The following ELOVL4 variants were observed in gnomAD, a reference collection of about 807,000 sequenced individuals.
The protein encoded by ELOVL4 is very long chain fatty acid elongase 4.
In ELOVL4, 18 loss-of-function variants were observed where a neutral mutation model predicts 42.1. The observed-to-expected ratio is 0.43, with a 90% CI of 0.30 to 0.63. ELOVL4 has a LOEUF of 0.63. ELOVL4 is among the 30% of genes least tolerant of loss of function. ELOVL4 has a pLI of 0.15. For missense variants in ELOVL4, 299 were observed against 376.2 expected (o/e 0.79, Z 1.70); for synonymous variants, 117 against 127.0 (o/e 0.92, Z 0.53).
chr6:79,928,337 A>T (rs1774379317), intron 1 of ELOVL4, among the ~76,000 whole-genome samples: 1 of 152,154 alleles, frequency 6.6e-6, no homozygotes, highest in Non-Finnish European at 1.5e-5. Context: ...ATCTGTGAGG[A>T]GATTTTAATT....
chr6:79,923,671 G>A (rs1774296022), intron 3 of ELOVL4, among the ~76,000 whole-genome samples: 2 of 152,092 alleles, frequency 1.3e-5, no homozygotes, highest in Admixed American at 6.6e-5. Flanking sequence ...CATGGCTGCT[G>A]TCTGCCTTCT....
At chr6:79,942,130 A>G (rs1774657325) in intron 1 of ELOVL4, among the ~76,000 whole-genome samples, 1 of 152,182 alleles carries the variant, frequency 6.6e-6, no homozygotes, top group South Asian at 2.1e-4. Flanking sequence ...GAGAAACATA[A>G]AGGTGGACAT....
At chr6:79,932,930 G>A (rs891245163) in intron 1 of ELOVL4, among the ~76,000 whole-genome samples, 1 of 152,088 alleles carries the variant, frequency 6.6e-6, no homozygotes, top group Non-Finnish European at 1.5e-5. Flanking sequence ...AGCAGACAGG[G>A]AGAAAAGTCT....
At chr6:79,919,894 T>A (rs995429880) in intron 4 of ELOVL4, among the ~76,000 whole-genome samples, 20 of 152,196 alleles carry the variant, frequency 1.3e-4, no homozygotes, top group African/African-American at 4.8e-4. Context: ...TGCCTTTAGA[T>A]GTGCCAATAT....
chr6:79,918,471 C>A (rs1300274047), intron 5 of ELOVL4, among the ~76,000 whole-genome samples: 2 of 152,184 alleles, frequency 1.3e-5, no homozygotes, highest in African/African-American at 4.8e-5. Flanking sequence ...ACTGTGTTAA[C>A]AGCTTTTACA....
At chr6:79,943,477 T>A (rs977276269) in intron 1 of ELOVL4, among the ~76,000 whole-genome samples, 1 of 152,190 alleles carries the variant, frequency 6.6e-6, no homozygotes, top group Admixed American at 6.5e-5. Flanking sequence ...GGAAGTAAAC[T>A]GTGGTGAAAC....
At chr6:79,937,633 A>G (rs1774568295) in intron 1 of ELOVL4, among the ~76,000 whole-genome samples, 1 of 152,164 alleles carries the variant, frequency 6.6e-6, no homozygotes, top group Non-Finnish European at 1.5e-5. Context: ...AGCATCCAAT[A>G]AATGTTCACT....
intron 1 of ELOVL4, among the ~76,000 whole-genome samples, chr6:79,928,378 CCA>C (rs1485986219): frequency 6.6e-6 from 1 of 152,094 alleles, no homozygotes; most frequent in Non-Finnish European, 1.5e-5. Context: ...CTCACCCTTA[CCA>C]CACACAGAAT....
At chr6:79,930,364 A>C (rs1774422968) in intron 1 of ELOVL4, among the ~76,000 whole-genome samples, 1 of 152,200 alleles carries the variant, frequency 6.6e-6, no homozygotes, top group South Asian at 2.1e-4. Context: ...TCCCAGGATT[A>C]TCATGGAAGC....
chr6:79,937,008 G>C (rs1200217678), intron 1 of ELOVL4, among the ~76,000 whole-genome samples: 2 of 152,214 alleles, frequency 1.3e-5, no homozygotes, highest in Non-Finnish European at 2.9e-5. Flanking sequence ...TGGGAGGAAA[G>C]GGTAGCTTTT....
At chr6:79,928,812 T>C (rs1165732968) in intron 1 of ELOVL4, among the ~76,000 whole-genome samples, 2 of 142,030 alleles carry the variant, frequency 1.4e-5, no homozygotes, top group African/African-American at 5.3e-5. Context: ...CACACATGGC[T>C]CACTGCAGCC....
At chr6:79,919,301 G>C in intron 5 of ELOVL4, 119 bp downstream of exon 5, 1 of 1,165,834 alleles carries the variant, frequency 8.6e-7, no homozygotes, top group Non-Finnish European at 1.3e-6. Context: ...GATATAGCTG[G>C]AGGATAAAGT....
intron 4 of ELOVL4, 45 bp downstream of exon 4, chr6:79,921,580 A>T: frequency 1.3e-6 from 2 of 1,579,196 alleles, no homozygotes; most frequent in South Asian, 2.2e-5. Flanking sequence ...CACTGAACAC[A>T]TATATGCAAT....
intron 2 of ELOVL4, among the ~76,000 whole-genome samples, chr6:79,925,727 T>C (rs1774331778): frequency 1.3e-5 from 2 of 152,168 alleles, no homozygotes; most frequent in Non-Finnish European, 2.9e-5. Context: ...AAATACAACA[T>C]TATGTAATAG....
At chr6:79,939,953 T>A (rs1774619006) in intron 1 of ELOVL4, among the ~76,000 whole-genome samples, 1 of 152,366 alleles carries the variant, frequency 6.6e-6, no homozygotes, top group East Asian at 1.9e-4. Context: ...TAAGACTGAA[T>A]AATATTCCAT....
chr6:79,917,711 C>T (rs530118351), intron 5 of ELOVL4, among the ~76,000 whole-genome samples: 279 of 152,210 alleles, frequency 1.8e-3, no homozygotes, highest in Non-Finnish European at 3.2e-3. Context: ...ATCCCAGCTA[C>T]TCAGGAGGCT....
chr6:79,921,204 G>C (rs1774245733), intron 4 of ELOVL4, among the ~76,000 whole-genome samples: 1 of 152,000 alleles, frequency 6.6e-6, no homozygotes, highest in Non-Finnish European at 1.5e-5. Context: ...GCTCATGCTT[G>C]TAATCCCAAC....
intron 3 of ELOVL4, among the ~76,000 whole-genome samples, chr6:79,923,804 C>G (rs1255000043): frequency 1.3e-5 from 2 of 152,060 alleles, no homozygotes; most frequent in Non-Finnish European, 2.9e-5. Context: ...ACAACCAAGA[C>G]AGGTGATTTT....
rs771537706 is a variant in ELOVL4 at position 79,916,945 on chromosome 6, A to T, written c.670-62T>A. On this transcript the variant is annotated intron_variant, in intron 5 of 5. Transcript: ENST00000369816. ...TGAATAGTAAACAACTTTTAACAAC[A>T]TCGGCATCTTCTACATAGCTATCAC... The T allele has an allele frequency of 9.4e-6, 15 of 1,595,348 alleles. No individual in the cohort carries two copies. In the South Asian group the frequency reaches 1.7e-4, roughly 18 times the overall value.
Sources: allele counts gnomAD v4.1 joint callset (sites outside exome capture counted in the v4.1 genomes callset), GRCh38; gene constraint gnomAD v4.1.1; transcripts MANE v1.5; gene names NCBI Gene and HGNC (gene_info 2026-07-23, HGNC 2026-07-21).